The following FSTL4 variants were observed in gnomAD, a reference collection of about 807,000 sequenced individuals.
FSTL4 encodes the protein follistatin like 4.
A neutral mutation model predicts 78.2 loss-of-function variants in FSTL4; 28 were observed. That is an observed-to-expected ratio of 0.36 (90% CI 0.27 to 0.49). FSTL4 has a LOEUF of 0.49. Ranked by LOEUF, FSTL4 falls within the 20% of genes least tolerant of loss-of-function variation. The pLI is 0.98. For missense variants in FSTL4, 922 were observed against 1,084.9 expected, an observed-to-expected ratio of 0.85 and a Z score of 2.11; for synonymous variants, 422 against 440.5, an observed-to-expected ratio of 0.96 and a Z score of 0.53.
At chr5:133,634,807 C>T in the FSTL4 span, among the ~76,000 whole-genome samples, 2 of 152,102 alleles carry the variant, frequency 1.3e-5, no homozygotes, top group African/African-American at 4.8e-5. Context: ...TGCCTGTTCC[C>T]CCACCGTTCT....
the FSTL4 span, among the ~76,000 whole-genome samples, chr5:133,733,506 G>C: frequency 6.6e-6 from 1 of 152,114 alleles, no homozygotes; most frequent in Non-Finnish European, 1.5e-5. Context: ...AAATAGAAAA[G>C]GCAGAAGAGC....
At chr5:133,769,057 C>A in the FSTL4 span, among the ~76,000 whole-genome samples, 1 of 152,218 alleles carries the variant, frequency 6.6e-6, no homozygotes, top group Non-Finnish European at 1.5e-5. Flanking sequence ...TTACCAGCAG[C>A]TTCTGGCTTC....
At chr5:133,376,501 C>T (rs1478925203) in intron 4 of FSTL4, among the ~76,000 whole-genome samples, 1 of 151,954 alleles carries the variant, frequency 6.6e-6, no homozygotes, top group African/African-American at 2.4e-5. Context: ...ACATGCTCTT[C>T]AGAGAAATAA....
At chr5:133,275,263 T>C (rs1752855185) in intron 6 of FSTL4, among the ~76,000 whole-genome samples, 1 of 144,680 alleles carries the variant, frequency 6.9e-6, no homozygotes, top group Non-Finnish European at 1.5e-5. Flanking sequence ...AACTCTGTTA[T>C]GAAGTTCAAA....
chr5:133,347,002 GTTT>G (rs553201476), intron 4 of FSTL4, among the ~76,000 whole-genome samples: 18 of 151,380 alleles, frequency 1.2e-4, no homozygotes, highest in African/African-American at 4.4e-4. Flanking sequence ...CCCTCTAAAG[GTTT>G]TTTTTTATTA....
At chr5:133,736,959 T>C in the FSTL4 span, among the ~76,000 whole-genome samples, 3 of 151,988 alleles carry the variant, frequency 2.0e-5, no homozygotes, top group Admixed American at 6.6e-5. Flanking sequence ...ACATAGTAGG[T>C]ATATATATTT....
rs113700506 is a variant in FSTL4, at chr5:133,433,795, C to T, written c.161-32809G>A. On this transcript the variant is annotated intron_variant, in intron 3 of 15. Transcript: ENST00000265342. ...GCTCTGTAAAGAGCTGGGGGAAGCA[C>T]GGCAGGCAGAGGGAAGAGCTGGTGT... Among the ~76,000 whole-genome samples the T allele has an allele frequency of 2.9e-3, 438 of 152,110 alleles. 3 individuals are homozygous for T. The highest frequency in any genetic ancestry group is 9.8e-3 in the African/African-American group (406 of 41,510).
intron 6 of FSTL4, among the ~76,000 whole-genome samples, chr5:133,274,103 G>A (rs983668154): frequency 8.5e-5 from 13 of 152,204 alleles, no homozygotes; most frequent in Admixed American, 1.3e-4. Context: ...TGGCCAGGGC[G>A]GTGGCTGGGG....
chr5:133,345,310 T>C (rs1754673077), intron 4 of FSTL4, among the ~76,000 whole-genome samples: 1 of 152,212 alleles, frequency 6.6e-6, no homozygotes. Context: ...TCCTTGTAGA[T>C]TCTGGATATT....
chr5:133,367,582 C>T (rs1755206010), intron 4 of FSTL4, among the ~76,000 whole-genome samples: 1 of 152,170 alleles, frequency 6.6e-6, no homozygotes, highest in African/African-American at 2.4e-5. Flanking sequence ...GCTTTCGCTC[C>T]AGATCTTGGT....
At chr5:133,316,350 G>T in intron 5 of FSTL4, 109 bp downstream of exon 5, 1 of 776,224 alleles carries the variant, frequency 1.3e-6, no homozygotes, top group Non-Finnish European at 2.1e-6. Flanking sequence ...TTGTTTGTGA[G>T]ATGTTCTCAG....
At chr5:133,463,511 T>C (rs1395212102) in intron 3 of FSTL4, among the ~76,000 whole-genome samples, 2 of 152,200 alleles carry the variant, frequency 1.3e-5, no homozygotes, top group Non-Finnish European at 2.9e-5. Flanking sequence ...TGGCCATCCA[T>C]TTTCCCCTTG....
chr5:133,753,590 A>G, the FSTL4 span, among the ~76,000 whole-genome samples: 1 of 152,136 alleles, frequency 6.6e-6, no homozygotes, highest in Non-Finnish European at 1.5e-5. Context: ...GACTGGACAC[A>G]TGGTTCCAGC....
Position 133,400,908 on chromosome 5 carries a change from C to T in FSTL4, c.239G>A (p.Arg80Lys). ...CTGGCATTCGGGCTCCCCTGTCTTCCTGCTGAGCACGCACCGGCTCCCTCG... is the reference window on the plus strand; with the variant it reads ...CTGGCATTCGGGCTCCCCTGTCTTCTTGCTGAGCACGCACCGGCTCCCTCG... ...CSRGSRCVLS[R>K]KTGEPECQCL... The change falls in exon 4 of 16, where the codon AGG (arginine) becomes AAG (lysine). Residue 80 changes from arginine to lysine, a missense_variant. Transcript: ENST00000265342. The T allele has an allele frequency of 6.2e-7, 1 of 1,613,798 alleles. No homozygotes were observed. Among genetic ancestry groups the T allele is most frequent in the South Asian group, 1.1e-5 (1 of 91,090 alleles).
At chr5:133,775,927 C>T in the FSTL4 span, among the ~76,000 whole-genome samples, 1 of 152,188 alleles carries the variant, frequency 6.6e-6, no homozygotes, top group Admixed American at 6.5e-5. Context: ...TTTGTTCTCC[C>T]ATTTTCCCCA....
At chr5:133,336,426 C>T (rs953320733) in intron 4 of FSTL4, among the ~76,000 whole-genome samples, 1 of 152,238 alleles carries the variant, frequency 6.6e-6, no homozygotes, top group Non-Finnish European at 1.5e-5. Flanking sequence ...GCTGGCTGAG[C>T]GACTTCCCTT....
At chr5:133,580,455 T>C (rs1760377036) in intron 2 of FSTL4, among the ~76,000 whole-genome samples, 1 of 152,144 alleles carries the variant, frequency 6.6e-6, no homozygotes, top group African/African-American at 2.4e-5. Context: ...CCAGCCCCAG[T>C]CCTTATGAAG....
the FSTL4 span, among the ~76,000 whole-genome samples, chr5:133,714,786 C>T: frequency 2.1e-3 from 322 of 152,320 alleles, 1 homozygote; most frequent in African/African-American, 7.5e-3. Flanking sequence ...GTTACCCCAG[C>T]GTCATTTCAT....
the FSTL4 span, among the ~76,000 whole-genome samples, chr5:133,788,237 C>T: frequency 1.3e-5 from 2 of 152,214 alleles, no homozygotes; most frequent in South Asian, 2.1e-4. Context: ...GAAGTGCTGC[C>T]TCTCCTCTGC....
Sources: allele counts gnomAD v4.1 joint callset (sites outside exome capture counted in the v4.1 genomes callset), GRCh38; gene constraint gnomAD v4.1.1; transcripts MANE v1.5; gene names NCBI Gene and HGNC (gene_info 2026-07-23, HGNC 2026-07-21).